MCOLN3: variants seen among roughly 807,000 people sequenced by gnomAD.
The protein encoded by MCOLN3 is mucolipin-3.
In MCOLN3, 62 loss-of-function variants were observed where a neutral mutation model predicts 69.4. The observed-to-expected ratio is 0.89, with a 90% CI of 0.73 to 1.10. The LOEUF (loss-of-function observed/expected upper bound fraction) is 1.10. Among genes scored for constraint, MCOLN3 ranks in the 50% least tolerant of loss-of-function variants. The pLI is 0.00. For synonymous variants in MCOLN3, 183 were observed against 217.0 expected, an observed-to-expected ratio of 0.84 and a Z score of 1.38; for missense variants, 564 against 656.4, an observed-to-expected ratio of 0.86 and a Z score of 1.54.
intron 2 of MCOLN3, among the ~76,000 whole-genome samples, chr1:85,044,507 C>T (rs1178260604): frequency 6.6e-6 from 1 of 152,186 alleles, no homozygotes; most frequent in Non-Finnish European, 1.5e-5. Flanking sequence ...GAATAAATCA[C>T]AACCAGTATA....
Position 85,026,292 on chromosome 1 carries a change from C to T in MCOLN3, c.833-8G>A. The T allele has an allele frequency of 1.9e-6, 3 of 1,583,536 alleles. No individual in the cohort carries two copies. The South Asian group carries it at 3.3e-5, about 18-fold the overall frequency. On this transcript the variant is annotated splice_region_variant and splice_polypyrimidine_tract_variant and intron_variant, in intron 7 of 12. Transcript: ENST00000370589. ...AATGAGTGTTCTTCTGAACTGAAAGCAAAGAGGATTACATAGTGCTTATGT... is the reference window on the plus strand; with the variant it reads ...AATGAGTGTTCTTCTGAACTGAAAGTAAAGAGGATTACATAGTGCTTATGT...
chr1:85,019,487 C>G (rs17119333), intron 12 of MCOLN3, among the ~76,000 whole-genome samples: 7,648 of 152,212 alleles, frequency 0.05, 296 homozygotes, highest in East Asian at 0.19. Flanking sequence ...TCTGGGTCCA[C>G]TGAAACCCAA....
intron 6 of MCOLN3, among the ~76,000 whole-genome samples, chr1:85,032,247 A>C (rs1652575260): frequency 6.6e-6 from 1 of 152,178 alleles, no homozygotes; most frequent in Admixed American, 6.5e-5. Context: ...TTGAAGGTAG[A>C]CTGTAATAAG....
rs147210371 is a variant in MCOLN3 at position 85,035,275 on chromosome 1, C to T, written c.397-1024G>A. Among the ~76,000 whole-genome samples, 919 of 152,314 alleles carry T rather than the reference C, an allele frequency of 6.0e-3. 8 individuals carry two copies. Among genetic ancestry groups the T allele is most frequent in the Admixed American group, 1.0e-2 (153 of 15,304 alleles). Reference sequence around the variant, plus strand: ...TTTTGGCCTATCTTTGGGTTCAGGCCTTGACCTCTATCCACATTCTCTCCA... The same window carrying T: ...TTTTGGCCTATCTTTGGGTTCAGGCTTTGACCTCTATCCACATTCTCTCCA... On this transcript the variant is annotated intron_variant, in intron 3 of 12. Transcript: ENST00000370589.
At chr1:85,021,390 T>G (rs1419787841) in intron 11 of MCOLN3, 114 bp from the exon 12 acceptor site, 23 of 805,946 alleles carry the variant, frequency 2.9e-5, no homozygotes, top group Non-Finnish European at 3.9e-5. Flanking sequence ...GCTACCATTT[T>G]CAAACAAATA....
chr1:85,026,247 G>C lies in MCOLN3; in HGVS notation c.870C>G (p.Ala290=), dbSNP rs1427861967. ...AAACCAAGCAAGTCAGAATGACAAA[G>C]GCATCAAAGATCATCATGTAATGAG... ...KNTHYMMIFD[A]FVILTCLVSL... is the part of the protein sequence containing the mutation. The change falls in exon 8 of 13, where the codon GCC becomes GCG. Residue 290 remains alanine, a synonymous_variant. Coordinates refer to ENST00000370589, the MANE Select transcript of MCOLN3 (RefSeq NM_018298.11). 6 of 1,613,932 alleles carry C rather than the reference G, an allele frequency of 3.7e-6. No homozygotes were observed. The highest frequency in any genetic ancestry group is 5.1e-6 in the Non-Finnish European group (6 of 1,179,970).
At chr1:85,036,595 C>T (rs995511006) in intron 3 of MCOLN3, 1 of 152,214 alleles carries the variant, frequency 6.6e-6, no homozygotes. Flanking sequence ...CTTCCTGTCT[C>T]TCTCAGAATA....
At position 85,034,113 on chromosome 1, in the gene MCOLN3, G is replaced by C. The variant is rs777432941; in HGVS notation, c.535C>G (p.Pro179Ala). 41 of 1,614,006 alleles carry C rather than the reference G, an allele frequency of 2.5e-5. No individual in the cohort carries two copies. Among genetic ancestry groups the C allele is most frequent in the Non-Finnish European group, 3.4e-5 (40 of 1,180,010 alleles). Reference sequence around the variant, plus strand: ...AGAACATCACCAGTTTCAATTTCTGGATCGATGTCAAAGGTATCATTTCCA... The same window carrying C: ...AGAACATCACCAGTTTCAATTTCTGCATCGATGTCAAAGGTATCATTTCCA... Reference protein sequence around the residue: ...YPGNDTFDIDPEIETECFFVE... With the variant: ...YPGNDTFDIDAEIETECFFVE... Residue 179 changes from proline to alanine, a missense_variant, in exon 4 of 13, where the codon CCA becomes GCA. Transcript: ENST00000370589.
intron 1 of MCOLN3, among the ~76,000 whole-genome samples, chr1:85,045,719 A>G (rs1320654250): frequency 6.6e-6 from 1 of 152,234 alleles, no homozygotes; most frequent in African/African-American, 2.4e-5. Context: ...GAAGGACTTC[A>G]GAGGGTAGGT....
In MCOLN3 at chr1:85,022,402, T is replaced by G; in HGVS notation, c.1096-2A>C. 6.4e-7 allele frequency: 1 copy of G among 1,565,152 alleles called. No individual in the cohort carries two copies. The highest frequency in any genetic ancestry group is 8.7e-7 in the Non-Finnish European group (1 of 1,144,334). ...ACAGACATCATAACTAGTTAGACTC[T>G]AAGAGAGAGTGGAAAAATATAATCA... is the stretch of plus-strand genomic sequence containing the variant. On this transcript the variant is annotated splice_acceptor_variant, in intron 9 of 12. Coordinates refer to ENST00000370589, the MANE Select transcript of MCOLN3 (RefSeq NM_018298.11). LOFTEE classifies it high-confidence loss of function.
At chr1:85,019,878 C>T (rs570278068) in intron 12 of MCOLN3, among the ~76,000 whole-genome samples, 11 of 152,280 alleles carry the variant, frequency 7.2e-5, no homozygotes, top group Admixed American at 2.6e-4. Flanking sequence ...ATATTTATAT[C>T]GGTTTGGGAC....
At chr1:85,026,316 G>A in intron 7 of MCOLN3, 32 bp from the exon 8 acceptor site, 1 of 1,367,712 alleles carries the variant, frequency 7.3e-7, no homozygotes, top group Non-Finnish European at 1.0e-6. Flanking sequence ...TAGTGCTTAT[G>A]TAGTGGGACA....
Position 85,025,994 on chromosome 1 carries a change from A to C in MCOLN3, c.1040T>G (p.Ile347Ser). Residue 347 changes from isoleucine (I) to serine (S), a missense_variant, in exon 9 of 13, where the codon ATT becomes AGT. Physicochemically the swap from Ile to Ser is moderately radical, Grantham distance 142. Transcript: ENST00000370589. ...TCCAATGATTGTCAATATGTCACTA[A>C]TAATAATCATAATGTACCATCCATT... ...FVNGWYIMII[I>S]SDILTIIGSI... is the part of the protein sequence containing the mutation. 5 of 1,598,694 alleles carry C rather than the reference A, an allele frequency of 3.1e-6. No homozygotes were observed. The highest frequency in any genetic ancestry group is 4.3e-6 in the Non-Finnish European group (5 of 1,172,058).
In MCOLN3 at chr1:85,021,067, T is replaced by G; in HGVS notation, c.1527+3A>C. 6.2e-7 allele frequency: 1 copy of G among 1,601,654 alleles called. No individual in the cohort carries two copies. Among genetic ancestry groups the G allele is most frequent in the Non-Finnish European group, 8.5e-7 (1 of 1,172,780 alleles). On this transcript the variant is annotated splice_donor_region_variant and intron_variant, in intron 12 of 12. Transcript: ENST00000370589. ...TACTACTTATGGCTCTTGATAAACC[T>G]ACCTTAATTGTTTCGTATGTATCAG... is the stretch of plus-strand genomic sequence containing the variant.
intron 3 of MCOLN3, chr1:85,036,976 T>G (rs1652831911): frequency 6.6e-6 from 1 of 152,312 alleles, no homozygotes; most frequent in Non-Finnish European, 1.5e-5. Flanking sequence ...ACACCAGCCC[T>G]GCAGGCACAC....
chr1:85,046,782 G>T (rs1447713249), intron 1 of MCOLN3, among the ~76,000 whole-genome samples: 1 of 152,104 alleles, frequency 6.6e-6, no homozygotes, highest in Non-Finnish European at 1.5e-5. Flanking sequence ...ACTGCTGGAT[G>T]AATAAACCAT....
intron 6 of MCOLN3, among the ~76,000 whole-genome samples, chr1:85,030,713 G>C (rs956991425): frequency 6.6e-6 from 1 of 152,014 alleles, no homozygotes; most frequent in African/African-American, 2.4e-5. Flanking sequence ...AGAGATAAAG[G>C]AAAAATTTAA....
At chr1:85,020,062 C>T (rs752245738) in intron 12 of MCOLN3, among the ~76,000 whole-genome samples, 5 of 152,146 alleles carry the variant, frequency 3.3e-5, no homozygotes, top group East Asian at 1.9e-4. Context: ...ATGTCACCCT[C>T]GAATAACACA....
intron 12 of MCOLN3, 142 bp downstream of exon 12, chr1:85,020,928 T>G (rs1651895271): frequency 3.0e-5 from 17 of 562,470 alleles, no homozygotes; most frequent in Non-Finnish European, 3.8e-5. Context: ...TATTTATCAA[T>G]TTCTAAAAAT....
Sources: allele counts gnomAD v4.1 joint callset (sites outside exome capture counted in the v4.1 genomes callset), GRCh38; gene constraint gnomAD v4.1.1; transcripts MANE v1.5; gene names NCBI Gene and HGNC (gene_info 2026-07-23, HGNC 2026-07-21).